The following HECW2 variants were observed in gnomAD, a reference collection of about 807,000 sequenced individuals.
HECW2 encodes E3 ubiquitin-protein ligase HECW2.
A neutral mutation model predicts 175.2 loss-of-function variants in HECW2; 61 were observed. That is an observed-to-expected ratio of 0.35 (90% CI 0.28 to 0.43). HECW2 has a LOEUF of 0.43. Among genes scored for constraint, HECW2 ranks in the 20% least tolerant of loss-of-function variants. HECW2 has a pLI of 1.00. For missense variants in HECW2, 1,524 were observed against 2,000.5 expected (o/e 0.76, Z 4.54); for synonymous variants, 671 against 731.0 (o/e 0.92, Z 1.32).
chr2:196,378,121 G>T (rs545213770), intron 2 of HECW2, among the ~76,000 whole-genome samples: 1 of 152,190 alleles, frequency 6.6e-6, no homozygotes, highest in South Asian at 2.1e-4. Flanking sequence ...AAGTAGAGCA[G>T]AGTGGTTAAA....
chr2:196,387,436 C>T (rs187768604), intron 2 of HECW2, among the ~76,000 whole-genome samples: 8 of 152,110 alleles, frequency 5.3e-5, no homozygotes, highest in Non-Finnish European at 1.2e-4. Flanking sequence ...TATGAGGACA[C>T]AAAGGTAGCA....
intron 1 of HECW2, among the ~76,000 whole-genome samples, chr2:196,542,189 G>T (rs146452489): frequency 6.6e-6 from 1 of 151,344 alleles, no homozygotes; most frequent in Non-Finnish European, 1.5e-5. Flanking sequence ...GCTTGAACCC[G>T]GGAAGCGAAG....
At chr2:196,212,519 C>G (rs1031696509) in intron 28 of HECW2, among the ~76,000 whole-genome samples, 1 of 152,154 alleles carries the variant, frequency 6.6e-6, no homozygotes, top group African/African-American at 2.4e-5. Flanking sequence ...CTACAAAGAA[C>G]ATGATCTCAT....
intron 1 of HECW2, among the ~76,000 whole-genome samples, chr2:196,498,766 TG>T (rs1054137301): frequency 4.3e-4 from 66 of 152,326 alleles, no homozygotes; most frequent in African/African-American, 1.5e-3. Context: ...TTGCCTTTTT[TG>T]TAACTGCTTA....
intron 1 of HECW2, among the ~76,000 whole-genome samples, chr2:196,531,288 G>T (rs115114990): frequency 0.011 from 1,609 of 152,242 alleles, 14 homozygotes; most frequent in Non-Finnish European, 0.017. Context: ...TGTCTTGTTC[G>T]ATCTACTGTA....
chr2:196,523,253 C>T (rs561750678), intron 1 of HECW2, among the ~76,000 whole-genome samples: 4 of 152,026 alleles, frequency 2.6e-5, no homozygotes, highest in African/African-American at 9.7e-5. Context: ...AATGGGAGTT[C>T]ACTCATCATT....
At position 196,562,005 on chromosome 2, in the gene HECW2, TAGG is replaced by T. The variant is rs376829545; in HGVS notation, c.-36+31500_-36+31502del. ...ACACGTTATTTCCTTTTGACATGGT[TAGG>T]AGAATGGTGGGTATGACAACGCTTT... On this transcript the variant is annotated intron_variant, in intron 1 of 28. Transcript: ENST00000644978. Among the ~76,000 whole-genome samples, 420 of 152,302 alleles carry T rather than the reference TAGG, an allele frequency of 2.8e-3. 3 individuals are homozygous for T. The highest frequency in any genetic ancestry group is 9.3e-3 in the African/African-American group (388 of 41,564).
At chr2:196,233,563 AC>A (rs371825215) in intron 21 of HECW2, among the ~76,000 whole-genome samples, 356 of 152,232 alleles carry the variant, frequency 2.3e-3, no homozygotes, top group Non-Finnish European at 3.2e-3. Context: ...CTTCTGATTC[AC>A]CCTCAGATAT....
chr2:196,461,751 T>C (rs1164093749), intron 1 of HECW2, among the ~76,000 whole-genome samples: 2 of 151,834 alleles, frequency 1.3e-5, no homozygotes, highest in Non-Finnish European at 2.9e-5. Flanking sequence ...CACAAAACCA[T>C]CAGATCTCGT....
chr2:196,580,766 T>C (rs1334018135), intron 1 of HECW2, among the ~76,000 whole-genome samples: 1 of 151,928 alleles, frequency 6.6e-6, no homozygotes, highest in East Asian at 1.9e-4. Flanking sequence ...AAAACACAGA[T>C]TTACCATATG....
rs1228898670 is a variant in HECW2, at chr2:196,464,325, G to C, written c.-35-30867C>G. ...GGGGAAAAAATTTCAGGTAGAACTA[G>C]GGTTCAATAGTAACGCTGGGAGTTA... On this transcript the variant is annotated intron_variant, in intron 1 of 28. Coordinates refer to ENST00000644978, the MANE Select transcript of HECW2 (RefSeq NM_001348768.2). 4.6e-5 allele frequency among the ~76,000 whole-genome samples: 7 copies of C among 152,242 alleles called. No homozygotes were observed. In the East Asian group the frequency reaches 5.8e-4, roughly 13 times the overall value.
intron 2 of HECW2, among the ~76,000 whole-genome samples, chr2:196,374,950 C>CA (rs1694008171): frequency 1.3e-5 from 2 of 151,842 alleles, no homozygotes; most frequent in South Asian, 4.2e-4. Flanking sequence ...ATCACAAGGT[C>CA]AGGAGTTCAA....
chr2:196,570,179 G>C (rs1388061020), intron 1 of HECW2, among the ~76,000 whole-genome samples: 1 of 152,066 alleles, frequency 6.6e-6, no homozygotes, highest in Non-Finnish European at 1.5e-5. Flanking sequence ...ACGTTGTAAG[G>C]TCCTGTTTTC....
At chr2:196,566,974 T>C (rs1295420521) in intron 1 of HECW2, among the ~76,000 whole-genome samples, 1 of 152,172 alleles carries the variant, frequency 6.6e-6, no homozygotes, top group Non-Finnish European at 1.5e-5. Flanking sequence ...CCTTCTTTCC[T>C]AGTAACAGCA....
intron 2 of HECW2, among the ~76,000 whole-genome samples, chr2:196,350,848 G>A (rs1012692014): frequency 1.3e-5 from 2 of 152,172 alleles, no homozygotes; most frequent in Non-Finnish European, 2.9e-5. Context: ...AGTCATCCTG[G>A]TGTCTGTGCT....
intron 1 of HECW2, among the ~76,000 whole-genome samples, chr2:196,552,691 T>C (rs1575665076): frequency 6.6e-6 from 1 of 152,230 alleles, no homozygotes; most frequent in East Asian, 1.9e-4. Flanking sequence ...TACCTCCTCT[T>C]CCTGAGCCTG....
intron 17 of HECW2, among the ~76,000 whole-genome samples, chr2:196,269,077 T>A (rs1017722090): frequency 9.2e-5 from 14 of 152,228 alleles, no homozygotes; most frequent in African/African-American, 3.1e-4. Context: ...TTATTAACCA[T>A]GTGAAACCAG....
chr2:196,300,918 G>T (rs1239691537), intron 13 of HECW2, among the ~76,000 whole-genome samples: 2 of 151,832 alleles, frequency 1.3e-5, no homozygotes, highest in Admixed American at 6.6e-5. Context: ...GGTTGTGCAG[G>T]TTTGTTACAT....
At chr2:196,419,440 C>CA (rs1468396345) in intron 2 of HECW2, among the ~76,000 whole-genome samples, 1 of 152,104 alleles carries the variant, frequency 6.6e-6, no homozygotes, top group Non-Finnish European at 1.5e-5. Flanking sequence ...GTGTGAATGC[C>CA]AAAAAACATC....
Sources: allele counts gnomAD v4.1 joint callset (sites outside exome capture counted in the v4.1 genomes callset), GRCh38; gene constraint gnomAD v4.1.1; transcripts MANE v1.5; gene names NCBI Gene and HGNC (gene_info 2026-07-23, HGNC 2026-07-21).